The following GOLGA8B variants were observed in gnomAD, a reference collection of about 807,000 sequenced individuals.
The protein encoded by GOLGA8B is golgin A8 family member B, also known as golgin subfamily A member 8B.
GOLGA8B carries 1 observed loss-of-function variant against 15.6 expected under a neutral mutation model. The ratio of observed to expected loss-of-function variants is 0.06; its 90% confidence interval spans 0.02 to 0.30. GOLGA8B has a LOEUF of 0.30. Among genes scored for constraint, GOLGA8B ranks in the 10% least tolerant of loss-of-function variants. The pLI is 1.00. For synonymous variants in GOLGA8B, 9 were observed against 80.3 expected (o/e 0.11, Z 4.75); for missense variants, 17 against 201.3 (o/e 0.08, Z 5.54).
chr15:34,578,964 C>T (rs1246282352), intron 1 of GOLGA8B, among the ~76,000 whole-genome samples: 2 of 152,146 alleles, frequency 1.3e-5, no homozygotes, highest in African/African-American at 4.8e-5. Flanking sequence ...ACAAACCTGA[C>T]CCTTAAAACT....
chr15:34,575,971 A>T (rs1416247789), intron 1 of GOLGA8B, among the ~76,000 whole-genome samples: 1 of 152,224 alleles, frequency 6.6e-6, no homozygotes, highest in East Asian at 1.9e-4. Context: ...ACTCGGGGGT[A>T]AGAAAAGTGA....
Position 34,526,120 on chromosome 15 carries a change from TGA to T in GOLGA8B, c.*1510_*1511del. 6.7e-6 allele frequency: 1 copy of T among 150,066 alleles called. No individual in the cohort carries two copies. Among genetic ancestry groups the T allele is most frequent in the East Asian group, 2.0e-4 (1 of 5,108 alleles). 9.3% of individuals were successfully genotyped at this position (150,066 alleles called of 1,614,324 possible). On this transcript the variant is annotated 3_prime_UTR_variant, in exon 24 of 24. Transcript: ENST00000683415. ...CACAAAATATGTCCCTGACTGAAAC[TGA>T]GAGGTACAAAAACATATTTCACTCT... is the stretch of plus-strand genomic sequence containing the variant.
chr15:34,573,864 C>T (rs1375852759), intron 1 of GOLGA8B, among the ~76,000 whole-genome samples: 7 of 151,422 alleles, frequency 4.6e-5, no homozygotes, highest in Middle Eastern at 3.2e-3. Context: ...AGGCAGCCTG[C>T]CAGCCATCGG....
chr15:34,527,212 T>C lies in GOLGA8B; in HGVS notation c.*420A>G. 3.0e-6 allele frequency: 1 copy of C among 331,004 alleles called. No homozygotes were observed. The highest frequency in any genetic ancestry group is 5.8e-6 in the Non-Finnish European group (1 of 173,200). 20.5% of individuals were successfully genotyped at this position (331,004 alleles called of 1,614,324 possible). On this transcript the variant is annotated 3_prime_UTR_variant, in exon 24 of 24. Coordinates refer to ENST00000683415, the MANE Select transcript of GOLGA8B (RefSeq NM_001023567.5). ...GTGATTAAGATGAGATCAAACATCA[T>C]AGCAGAACATTAGCAAATTTTATCT...
At position 34,526,472 on chromosome 15, in the gene GOLGA8B, T is replaced by A. The variant is rs1595696035; in HGVS notation, c.*1160A>T. The A allele has an allele frequency of 6.7e-6, 1 of 148,684 alleles. No individual in the cohort carries two copies. Among genetic ancestry groups the A allele is most frequent in the African/African-American group, 2.5e-5 (1 of 40,104 alleles). 9.2% of individuals were successfully genotyped at this position (148,684 alleles called of 1,614,324 possible). A position where few individuals can be genotyped will look rare whatever the true frequency, so the allele number is the denominator to read the frequency against. ...TAGGTATTAGCCAGAGAGGTCTAGATAGTAAAATCAAACTTCAAGCCTCAA... is the reference window on the plus strand; with the variant it reads ...TAGGTATTAGCCAGAGAGGTCTAGAAAGTAAAATCAAACTTCAAGCCTCAA... On this transcript the variant is annotated 3_prime_UTR_variant, in exon 24 of 24. Coordinates refer to ENST00000683415, the MANE Select transcript of GOLGA8B (RefSeq NM_001023567.5).
chr15:34,581,045 T>C (rs1889214991), intron 1 of GOLGA8B, among the ~76,000 whole-genome samples: 1 of 152,166 alleles, frequency 6.6e-6, no homozygotes, highest in Non-Finnish European at 1.5e-5. Context: ...GGGCATGTGA[T>C]CTCTGCCGAA....
At chr15:34,569,421 AC>A (rs1356271619) in intron 1 of GOLGA8B, among the ~76,000 whole-genome samples, 1 of 151,390 alleles carries the variant, frequency 6.6e-6, no homozygotes, top group Non-Finnish European at 1.5e-5. Context: ...AAAGCTGACC[AC>A]CCCCATGCCT....
intron 1 of GOLGA8B, among the ~76,000 whole-genome samples, chr15:34,567,797 G>C (rs1277398272): frequency 6.6e-6 from 1 of 151,976 alleles, no homozygotes; most frequent in East Asian, 1.9e-4. Context: ...AATGATACAA[G>C]TAAGTCCTCA....
intron 4 of GOLGA8B, among the ~76,000 whole-genome samples, chr15:34,547,193 C>A (rs1003952105): frequency 2.9e-5 from 1 of 34,502 alleles, no homozygotes; most frequent in Non-Finnish European, 4.5e-5. Flanking sequence ...AGATTTTAAA[C>A]CATTACATCT....
At chr15:34,579,310 G>C (rs937971825) in intron 1 of GOLGA8B, among the ~76,000 whole-genome samples, 1 of 152,002 alleles carries the variant, frequency 6.6e-6, no homozygotes, top group Non-Finnish European at 1.5e-5. Flanking sequence ...TTCTGGAAGG[G>C]AAAGCAGAGT....
chr15:34,559,267 G>T (rs973685377), intron 1 of GOLGA8B, among the ~76,000 whole-genome samples: 3 of 147,476 alleles, frequency 2.0e-5, no homozygotes, highest in African/African-American at 7.6e-5. Flanking sequence ...AGCAGGGAGT[G>T]GGGAGCTGGT....
chr15:34,560,908 A>C lies in GOLGA8B; in HGVS notation c.-1122-6952T>G, dbSNP rs556123633. ...AACCAGCCATGCTGGCCCCTAAGCA[A>C]TGGTATTAGAAAGGGTTGGTGAAGA... On this transcript the variant is annotated intron_variant, in intron 1 of 23. Coordinates refer to ENST00000683415, the MANE Select transcript of GOLGA8B (RefSeq NM_001023567.5). Among the ~76,000 whole-genome samples the C allele has an allele frequency of 2.9e-3, 368 of 128,666 alleles. 55 individuals carry two copies. Among genetic ancestry groups the C allele is most frequent in the Non-Finnish European group, 1.9e-3 (116 of 61,010 alleles). 84.4% of individuals were successfully genotyped at this position (128,666 alleles called of 152,430 possible).
chr15:34,564,863 C>T (rs1022346452), intron 1 of GOLGA8B, among the ~76,000 whole-genome samples: 2 of 143,984 alleles, frequency 1.4e-5, no homozygotes, highest in Non-Finnish European at 3.2e-5. Flanking sequence ...TGGACTCCAC[C>T]CTGTAGGTGA....
chr15:34,575,118 A>AAAAAG (rs765447312), intron 1 of GOLGA8B, among the ~76,000 whole-genome samples: 1 of 151,220 alleles, frequency 6.6e-6, no homozygotes, highest in South Asian at 2.1e-4. Context: ...AAAAAAAAAA[A>AAAAAG]AAGAAGGGTA....
chr15:34,575,398 C>T (rs1368224046), intron 1 of GOLGA8B, among the ~76,000 whole-genome samples: 4 of 151,634 alleles, frequency 2.6e-5, no homozygotes, highest in African/African-American at 9.7e-5. Context: ...TCTGAACTGT[C>T]CACTAGGGAA....
In GOLGA8B at chr15:34,526,048, T is replaced by C. The variant is rs1295963649; in HGVS notation, c.*1584A>G. The C allele has an allele frequency of 6.7e-6, 1 of 149,704 alleles. No homozygotes were observed. Among genetic ancestry groups the C allele is most frequent in the African/African-American group, 2.5e-5 (1 of 40,452 alleles). 9.3% of individuals were successfully genotyped at this position (149,704 alleles called of 1,614,324 possible). A position where few individuals can be genotyped will look rare whatever the true frequency, so the allele number is the denominator to read the frequency against. ...AGTTATGATTTAGGCAATGTATGAT[T>C]GAAATGCATTCACTCATCACGCATA... is the stretch of plus-strand genomic sequence containing the variant. On this transcript the variant is annotated 3_prime_UTR_variant, in exon 24 of 24. Transcript: ENST00000683415.
At chr15:34,554,345 CATGTGTGT>C (rs1312901316) in intron 1 of GOLGA8B, among the ~76,000 whole-genome samples, 3 of 152,256 alleles carry the variant, frequency 2.0e-5, no homozygotes, top group African/African-American at 7.2e-5. Context: ...CACATGTGTG[CATGTGTGT>C]GCATACGTAC....
Sources: gnomAD v4.1 joint callset for allele counts (sites outside exome capture counted in the v4.1 genomes callset) on GRCh38, gnomAD v4.1.1 for gene constraint, MANE v1.5 for transcripts, NCBI Gene and HGNC (gene_info 2026-07-23, HGNC 2026-07-21) for gene names.